Variants in CARMIL1 observed in about 807,000 individuals in gnomAD.
CARMIL1 encodes the protein capping protein regulator and myosin 1 linker 1.
A neutral mutation model predicts 177.1 loss-of-function variants in CARMIL1; 90 were observed. The ratio of observed to expected loss-of-function variants is 0.51; its 90% CI spans 0.43 to 0.61. CARMIL1 has a LOEUF of 0.61. CARMIL1 is among the 20% of genes least tolerant of loss of function. CARMIL1 has a pLI of 0.00. For missense variants in CARMIL1, 1,380 were observed against 1,667.0 expected (o/e 0.83, Z 3.00); for synonymous variants, 577 against 606.2 (o/e 0.95, Z 0.71).
chr6:25,496,779 G>T (rs1803771262), intron 16 of CARMIL1, among the ~76,000 whole-genome samples: 1 of 152,154 alleles, frequency 6.6e-6, no homozygotes, highest in African/African-American at 2.4e-5. Flanking sequence ...GAAGGTCCTT[G>T]TCCTGGTAAT....
At chr6:25,461,988 G>A (rs1269798473) in intron 8 of CARMIL1, among the ~76,000 whole-genome samples, 1 of 151,938 alleles carries the variant, frequency 6.6e-6, no homozygotes, top group Non-Finnish European at 1.5e-5. Context: ...TTAGTGAAGT[G>A]TCTGTTTAGA....
chr6:25,614,164 G>A (rs748415331), intron 36 of CARMIL1, among the ~76,000 whole-genome samples: 20 of 152,192 alleles, frequency 1.3e-4, no homozygotes, highest in Non-Finnish European at 2.1e-4. Context: ...CAGGGACAAC[G>A]TTTGGAGCCT....
intron 2 of CARMIL1, among the ~76,000 whole-genome samples, chr6:25,395,807 T>C (rs779210166): frequency 6.6e-6 from 1 of 152,218 alleles, no homozygotes; most frequent in Non-Finnish European, 1.5e-5. Context: ...TGTCTTCCTA[T>C]TGAGGTAAGA....
chr6:25,403,941 C>T (rs1459272219), intron 2 of CARMIL1, among the ~76,000 whole-genome samples: 1 of 152,188 alleles, frequency 6.6e-6, no homozygotes, highest in Non-Finnish European at 1.5e-5. Context: ...ATCCTTGGTG[C>T]CTACCACAAG....
intron 11 of CARMIL1, among the ~76,000 whole-genome samples, chr6:25,476,406 C>A (rs1582082613): frequency 6.6e-6 from 1 of 152,228 alleles, no homozygotes; most frequent in Admixed American, 6.5e-5. Context: ...CAAGACTTTT[C>A]TCATTTCTGC....
chr6:25,313,242 G>C (rs1783979155), intron 2 of CARMIL1, among the ~76,000 whole-genome samples: 1 of 152,138 alleles, frequency 6.6e-6, no homozygotes, highest in Non-Finnish European at 1.5e-5. Context: ...CAAGATGGGT[G>C]ACCTGAAGTT....
chr6:25,450,373 C>G lies in CARMIL1; in HGVS notation c.504C>G (p.Asp168Glu). 1 of 1,613,788 alleles carries G rather than the reference C, an allele frequency of 6.2e-7. No individual in the cohort carries two copies. Among genetic ancestry groups the G allele is most frequent in the Non-Finnish European group, 8.5e-7 (1 of 1,179,750 alleles). Residue 168 changes from aspartate to glutamate, a missense_variant, in exon 7 of 37, where the codon GAC becomes GAG. Transcript: ENST00000329474. Reference protein sequence around the residue: ...GFSQMYACVCDWLGFSYREEV... With the variant: ...GFSQMYACVCEWLGFSYREEV... ...CTCAGATGTATGCCTGTGTTTGTGACTGGCTTGGATTTTCATACAGGGAAG... is the reference window on the plus strand; with the variant it reads ...CTCAGATGTATGCCTGTGTTTGTGAGTGGCTTGGATTTTCATACAGGGAAG...
At chr6:25,526,148 T>G (rs1807079245) in intron 23 of CARMIL1, among the ~76,000 whole-genome samples, 1 of 113,962 alleles carries the variant, frequency 8.8e-6, no homozygotes, top group South Asian at 3.1e-4. Context: ...CTACTAAAAA[T>G]ACAAATAAAT....
chr6:25,572,702 C>CAAAAAAAAAAAA (rs35085655), intron 29 of CARMIL1, among the ~76,000 whole-genome samples: 1 of 53,168 alleles, frequency 1.9e-5, no homozygotes, highest in Non-Finnish European at 3.4e-5. Flanking sequence ...GACCTTGTCT[C>CAAAAAAAAAAAA]AAAAAAAAAA....
chr6:25,539,581 C>T (rs545289339), intron 25 of CARMIL1, among the ~76,000 whole-genome samples: 1 of 138,174 alleles, frequency 7.2e-6, no homozygotes, highest in African/African-American at 2.7e-5. Flanking sequence ...GCTGAGATCG[C>T]GCCATTGCAC....
At position 25,326,763 on chromosome 6, in the gene CARMIL1, G is replaced by A. The variant is rs1785143225; in HGVS notation, c.138+41854G>A. ...ATTCTGGTGTATGTTTTGAAGGTAG[G>A]GATGATAGGACTTTTGTATATGGGA... On this transcript the variant is annotated intron_variant, in intron 2 of 36. Coordinates refer to ENST00000329474, the MANE Select transcript of CARMIL1 (RefSeq NM_017640.6). This position sits in a 1 kb window ranked among gnomAD's most constrained non-coding sequence, Gnocchi z 4.2. Among the ~76,000 whole-genome samples, 1 of 151,912 alleles carries A rather than the reference G, an allele frequency of 6.6e-6. No individual in the cohort carries two copies. Among genetic ancestry groups the A allele is most frequent in the African/African-American group, 2.4e-5 (1 of 41,348 alleles).
intron 21 of CARMIL1, among the ~76,000 whole-genome samples, 156 bp downstream of exon 21, chr6:25,516,003 TGAG>T (rs1403358617): frequency 2.0e-5 from 3 of 152,140 alleles, no homozygotes; most frequent in Non-Finnish European, 4.4e-5. Context: ...GTCAGAATAA[TGAG>T]GAGGCTGTTC....
chr6:25,444,496 G>C (rs1423270240), intron 5 of CARMIL1, among the ~76,000 whole-genome samples: 1 of 151,920 alleles, frequency 6.6e-6, no homozygotes, highest in African/African-American at 2.4e-5. Flanking sequence ...TTTACATTAG[G>C]TATTTCTCCT....
At chr6:25,503,480 C>T (rs777412307) in intron 17 of CARMIL1, among the ~76,000 whole-genome samples, 3 of 152,102 alleles carry the variant, frequency 2.0e-5, no homozygotes, top group South Asian at 2.1e-4. Flanking sequence ...TTTGGATTTC[C>T]AATATAATTC....
At chr6:25,321,963 T>A (rs7741580) in intron 2 of CARMIL1, among the ~76,000 whole-genome samples, 41,580 of 151,458 alleles carry the variant, frequency 0.27, 6,085 homozygotes, top group East Asian at 0.4. Context: ...TGGCCCTATT[T>A]ATTTGTTTTT....
At chr6:25,589,283 G>A (rs1009496901) in intron 31 of CARMIL1, among the ~76,000 whole-genome samples, 1 of 152,160 alleles carries the variant, frequency 6.6e-6, no homozygotes, top group African/African-American at 2.4e-5. Flanking sequence ...TTCTGGAGTG[G>A]CACGTGGTAT....
rs3034151 is a variant in CARMIL1, at chr6:25,390,320, A to G, written c.139-29794A>G. 1.2e-3 allele frequency among the ~76,000 whole-genome samples: 71 copies of G among 58,096 alleles called. 1 individual carries two copies. The highest frequency in any genetic ancestry group is 3.0e-3 in the African/African-American group (49 of 16,190). 38.1% of individuals were successfully genotyped at this position (58,096 alleles called of 152,430 possible). A position where few individuals can be genotyped will look rare whatever the true frequency, so the allele number is the denominator to read the frequency against. On this transcript the variant is annotated intron_variant, in intron 2 of 36. Transcript: ENST00000329474. ...TATATATATATATATATATATATAT[A>G]TTTTTTTTTTTTTTTTTTTGAGACA...
chr6:25,602,781 A>G (rs760131451), intron 33 of CARMIL1, among the ~76,000 whole-genome samples: 1 of 152,234 alleles, frequency 6.6e-6, no homozygotes, highest in Non-Finnish European at 1.5e-5. Context: ...GATAAAATAT[A>G]TGATGTCTTC....
At chr6:25,381,782 G>A (rs778838631) in intron 2 of CARMIL1, among the ~76,000 whole-genome samples, 7 of 152,024 alleles carry the variant, frequency 4.6e-5, no homozygotes, top group African/African-American at 1.4e-4. Flanking sequence ...GTTTTATGGC[G>A]TTTCCATTAC....
Sources: gnomAD v4.1 joint callset for allele counts (sites outside exome capture counted in the v4.1 genomes callset) on GRCh38, gnomAD v4.1.1 for gene constraint, Gnocchi (gnomAD v3.1) non-coding constraint, MANE v1.5 for transcripts, NCBI Gene and HGNC (gene_info 2026-07-23, HGNC 2026-07-21) for gene names.